GLRA1: variants seen among roughly 807,000 people sequenced by gnomAD.
The protein encoded by GLRA1 is glycine receptor alpha 1.
GLRA1 carries 37 observed loss-of-function variants against 48.3 expected under a neutral mutation model. That is an observed-to-expected ratio of 0.77 (90% confidence interval 0.59 to 1.01). The LOEUF (loss-of-function observed/expected upper bound fraction) is 1.01, where lower values mean the gene tolerates loss of function less well. Among genes scored for constraint, GLRA1 ranks in the 50% least tolerant of loss-of-function variants. The probability of loss-of-function intolerance (pLI) is 0.00; values close to 1 mark genes in which losing one functional copy is unlikely to be tolerated. For missense variants in GLRA1, 427 were observed against 571.0 expected (o/e 0.75, Z 2.57); for synonymous variants, 196 against 210.7 (o/e 0.93, Z 0.60).
intron 1 of GLRA1, among the ~76,000 whole-genome samples, chr5:151,916,922 G>T (rs542364853): frequency 6.6e-6 from 1 of 152,262 alleles, no homozygotes; most frequent in Admixed American, 6.5e-5. Flanking sequence ...CCTCTGGAAG[G>T]GTGAGTGTGT....
intron 3 of GLRA1, among the ~76,000 whole-genome samples, chr5:151,864,861 C>A (rs754785493): frequency 1.3e-5 from 2 of 152,072 alleles, no homozygotes; most frequent in Non-Finnish European, 2.9e-5. Flanking sequence ...TACCTAGTAC[C>A]TATAAGAAGG....
intron 4 of GLRA1, among the ~76,000 whole-genome samples, chr5:151,858,203 T>G (rs550770927): frequency 1.3e-5 from 2 of 152,150 alleles, no homozygotes; most frequent in East Asian, 3.9e-4. Context: ...GTGGGCCCCT[T>G]TAAGCACAAG....
chr5:151,835,352 G>A (rs1345725426), intron 7 of GLRA1, among the ~76,000 whole-genome samples: 1 of 152,120 alleles, frequency 6.6e-6, no homozygotes, highest in Non-Finnish European at 1.5e-5. Flanking sequence ...GTACAAAGAG[G>A]AGCTGGTACC....
intron 2 of GLRA1, among the ~76,000 whole-genome samples, chr5:151,889,256 T>C (rs1341111545): frequency 1.3e-5 from 2 of 152,256 alleles, no homozygotes; most frequent in African/African-American, 4.8e-5. Context: ...ATGTATATAT[T>C]TCACTAAATG....
intron 2 of GLRA1, among the ~76,000 whole-genome samples, chr5:151,887,508 C>T (rs1376798420): frequency 6.6e-6 from 1 of 152,160 alleles, no homozygotes; most frequent in African/African-American, 2.4e-5. Flanking sequence ...CATTTCATTT[C>T]ATCATTTCAA....
At chr5:151,912,416 T>C (rs2113454406) in intron 1 of GLRA1, among the ~76,000 whole-genome samples, 1 of 152,284 alleles carries the variant, frequency 6.6e-6, no homozygotes, top group African/African-American at 2.4e-5. Flanking sequence ...TTGGTGATGG[T>C]GAAGAGCAAC....
At chr5:151,851,238 A>G (rs1387895425) in intron 7 of GLRA1, 152 bp downstream of exon 7, 2 of 658,520 alleles carry the variant, frequency 3.0e-6, no homozygotes, top group African/African-American at 1.8e-5. Context: ...AGAAAAGTGT[A>G]GAACCTGCAA....
At chr5:151,882,391 CT>C (rs1450706066) in intron 3 of GLRA1, among the ~76,000 whole-genome samples, 2 of 152,220 alleles carry the variant, frequency 1.3e-5, no homozygotes, top group Non-Finnish European at 2.9e-5. Flanking sequence ...CAGAAGTGCT[CT>C]GTTCACTGCC....
intron 3 of GLRA1, among the ~76,000 whole-genome samples, chr5:151,864,009 G>C (rs929151575): frequency 6.6e-6 from 1 of 152,170 alleles, no homozygotes; most frequent in African/African-American, 2.4e-5. Flanking sequence ...AAGAACTTCA[G>C]GCCTGGCCTG....
chr5:151,848,404 T>TGC (rs1752735769), intron 7 of GLRA1, among the ~76,000 whole-genome samples: 1 of 152,212 alleles, frequency 6.6e-6, no homozygotes, highest in Non-Finnish European at 1.5e-5. Context: ...TCTCACTCTG[T>TGC]TGCCCAGGCT....
chr5:151,848,992 T>C, intron 7 of GLRA1: 1 of 689,596 alleles, frequency 1.5e-6, no homozygotes, highest in South Asian at 1.5e-5. Flanking sequence ...TCGATGGTAC[T>C]GGAGAAGGAT....
At chr5:151,892,025 C>T (rs1023740063) in intron 2 of GLRA1, among the ~76,000 whole-genome samples, 7 of 152,172 alleles carry the variant, frequency 4.6e-5, no homozygotes, top group African/African-American at 7.2e-5. Context: ...CATTTCTCCA[C>T]GTTCCATGTT....
chr5:151,880,650 A>G (rs1258930870), intron 3 of GLRA1, among the ~76,000 whole-genome samples: 1 of 152,236 alleles, frequency 6.6e-6, no homozygotes, highest in Non-Finnish European at 1.5e-5. Context: ...ACAGTTCTAC[A>G]CAAATTCCAG....
At chr5:151,828,253 G>A (rs1763329571) in intron 8 of GLRA1, among the ~76,000 whole-genome samples, 1 of 152,204 alleles carries the variant, frequency 6.6e-6, no homozygotes, top group South Asian at 2.1e-4. Context: ...AAAAAAGCTA[G>A]GGTGGTTGGA....
chr5:151,921,189 G>A (rs1414495905), intron 1 of GLRA1, among the ~76,000 whole-genome samples: 1 of 152,138 alleles, frequency 6.6e-6, no homozygotes, highest in Non-Finnish European at 1.5e-5. Context: ...TTATCTCCCT[G>A]CCTTTATTCC....
intron 5 of GLRA1, among the ~76,000 whole-genome samples, 179 bp from the exon 6 acceptor site, chr5:151,855,356 C>T (rs1306692637): frequency 6.6e-6 from 1 of 152,190 alleles, no homozygotes; most frequent in Non-Finnish European, 1.5e-5. Context: ...TTTATATCTA[C>T]ATCAGAGCCC....
intron 7 of GLRA1, among the ~76,000 whole-genome samples, chr5:151,843,870 C>T (rs977596941): frequency 5.3e-5 from 8 of 152,174 alleles, no homozygotes; most frequent in Admixed American, 2.6e-4. Context: ...GATATTCACA[C>T]GTGAAAGAAT....
At chr5:151,921,395 A>G (rs1459790758) in intron 1 of GLRA1, among the ~76,000 whole-genome samples, 3 of 152,190 alleles carry the variant, frequency 2.0e-5, no homozygotes, top group East Asian at 1.9e-4. Flanking sequence ...CCCAGGATGT[A>G]TATTTGGCAA....
intron 3 of GLRA1, among the ~76,000 whole-genome samples, chr5:151,879,327 TCC>T: frequency 2.0e-5 from 2 of 101,088 alleles, no homozygotes; most frequent in African/African-American, 7.4e-5. Context: ...GTAACTAACT[TCC>T]TTTTTTTTTT....
Sources: gnomAD v4.1 joint callset for allele counts (sites outside exome capture counted in the v4.1 genomes callset) on GRCh38, gnomAD v4.1.1 for gene constraint, MANE v1.5 for transcripts, NCBI Gene and HGNC (gene_info 2026-07-23, HGNC 2026-07-21) for gene names.